The following ZNF385B variants were observed in gnomAD, a reference collection of about 807,000 sequenced individuals.
The protein encoded by ZNF385B is zinc finger protein 385B.
Under a neutral mutation model 39.2 loss-of-function variants are expected in ZNF385B, and 23 were observed. The observed-to-expected ratio is 0.59, with a 90% CI of 0.42 to 0.83. The LOEUF (loss-of-function observed/expected upper bound fraction) is 0.83, where lower values mean the gene tolerates loss of function less well. Among genes scored for constraint, ZNF385B ranks in the 40% least tolerant of loss-of-function variants. The probability of loss-of-function intolerance (pLI) is 0.00; values close to 1 mark genes in which losing one functional copy is unlikely to be tolerated. For synonymous variants in ZNF385B, 205 were observed against 222.6 expected, an observed-to-expected ratio of 0.92 and a Z score of 0.70; for missense variants, 552 against 598.9, an observed-to-expected ratio of 0.92 and a Z score of 0.82.
At position 179,727,293 on chromosome 2, in the gene ZNF385B, T is replaced by A. The variant is rs117607351; in HGVS notation, c.298+42210A>T. On this transcript the variant is annotated intron_variant, in intron 3 of 9. Coordinates refer to ENST00000410066, the MANE Select transcript of ZNF385B (RefSeq NM_152520.6). ...TTTTGGAAATCCATCAGTTTCAGCT[T>A]TCCAAAAATTAATCTCCAAACAATA... Among the ~76,000 whole-genome samples, 448 of 152,192 alleles carry A rather than the reference T, an allele frequency of 2.9e-3. 15 individuals are homozygous for A. The East Asian group carries it at 0.052, about 18-fold the overall frequency.
intron 3 of ZNF385B, among the ~76,000 whole-genome samples, chr2:179,691,856 A>G (rs1698381533): frequency 6.6e-6 from 1 of 152,094 alleles, no homozygotes; most frequent in South Asian, 2.1e-4. Flanking sequence ...TTTTTAAAAA[A>G]ATATTTTTAA....
At chr2:179,647,967 T>C (rs1050627258) in intron 3 of ZNF385B, among the ~76,000 whole-genome samples, 1 of 151,890 alleles carries the variant, frequency 6.6e-6, no homozygotes, top group African/African-American at 2.4e-5. Flanking sequence ...GGGGGACCCT[T>C]GGGGACTTAG....
At chr2:179,860,689 C>A in intron 1 of ZNF385B, 1 of 324,898 alleles carries the variant, frequency 3.1e-6, no homozygotes, top group South Asian at 2.3e-5. Context: ...ACCCATTTCC[C>A]GGTCATTGAG....
intron 3 of ZNF385B, among the ~76,000 whole-genome samples, chr2:179,584,862 A>G (rs938450898): frequency 6.6e-6 from 1 of 152,158 alleles, no homozygotes; most frequent in Non-Finnish European, 1.5e-5. Flanking sequence ...ACCCAGGGAG[A>G]GTGTAGTGTT....
intron 4 of ZNF385B, among the ~76,000 whole-genome samples, chr2:179,524,576 A>G (rs1232159863): frequency 7.1e-6 from 1 of 140,280 alleles, no homozygotes; most frequent in Non-Finnish European, 1.6e-5. Flanking sequence ...AAAAAAAAAA[A>G]AAAAAAAAAA....
chr2:179,535,233 A>G (rs1053325177), intron 4 of ZNF385B, among the ~76,000 whole-genome samples: 1 of 152,182 alleles, frequency 6.6e-6, no homozygotes, highest in Non-Finnish European at 1.5e-5. Context: ...AAGAAACTGT[A>G]TTCACAATAA....
At chr2:179,837,008 A>G (rs1435918363) in intron 1 of ZNF385B, among the ~76,000 whole-genome samples, 7 of 152,210 alleles carry the variant, frequency 4.6e-5, no homozygotes, top group Non-Finnish European at 8.8e-5. Flanking sequence ...CCAGCTCATT[A>G]AATCATACAT....
chr2:179,519,334 A>T (rs2058321109), intron 4 of ZNF385B, among the ~76,000 whole-genome samples: 1 of 152,220 alleles, frequency 6.6e-6, no homozygotes. Context: ...TAATTTGTTA[A>T]CTTTCATGTG....
chr2:179,608,349 T>C (rs1274017300), intron 3 of ZNF385B, among the ~76,000 whole-genome samples: 2 of 152,150 alleles, frequency 1.3e-5, no homozygotes, highest in East Asian at 3.8e-4. Flanking sequence ...CTTCAATCTG[T>C]AGAAAGCAGG....
intron 4 of ZNF385B, among the ~76,000 whole-genome samples, chr2:179,533,639 G>A (rs975528708): frequency 6.6e-6 from 1 of 152,094 alleles, no homozygotes; most frequent in African/African-American, 2.4e-5. Flanking sequence ...AGGGTAAAGG[G>A]AGATGTGTAA....
chr2:179,797,878 A>G (rs1333833655), intron 1 of ZNF385B, among the ~76,000 whole-genome samples: 2 of 152,170 alleles, frequency 1.3e-5, no homozygotes, highest in African/African-American at 4.8e-5. Flanking sequence ...TTATTGTGCG[A>G]TAGTAATACT....
chr2:179,551,325 G>A lies in ZNF385B; in HGVS notation c.299-6356C>T, dbSNP rs566858944. ...TCTTGAGACAGGAGTAATACAAGGT[G>A]GTCACAGGAGAATAGAAAATTCCAG... On this transcript the variant is annotated intron_variant, in intron 3 of 9. Transcript: ENST00000410066. Among the ~76,000 whole-genome samples, 3 of 152,138 alleles carry A rather than the reference G, an allele frequency of 2.0e-5. No homozygotes were observed. In the East Asian group the frequency reaches 5.8e-4, roughly 29 times the overall value.
At chr2:179,829,881 T>C (rs1324749562) in intron 1 of ZNF385B, among the ~76,000 whole-genome samples, 3 of 152,114 alleles carry the variant, frequency 2.0e-5, no homozygotes, top group Non-Finnish European at 4.4e-5. Context: ...TAGAAGAAAC[T>C]TAACTGAAAT....
chr2:179,445,145 G>A (rs538099800), intron 8 of ZNF385B, among the ~76,000 whole-genome samples, 168 bp from the exon 9 acceptor site: 2 of 152,266 alleles, frequency 1.3e-5, no homozygotes, highest in East Asian at 3.9e-4. Context: ...TCCCTCAATT[G>A]TAATGCCCCT....
At chr2:179,799,469 T>C (rs912035408) in intron 1 of ZNF385B, among the ~76,000 whole-genome samples, 8 of 152,096 alleles carry the variant, frequency 5.3e-5, no homozygotes, top group African/African-American at 1.4e-4. Flanking sequence ...GATTAAAATG[T>C]TGAAATATTG....
intron 1 of ZNF385B, 54 bp downstream of exon 1, chr2:179,861,047 G>A: frequency 6.1e-6 from 1 of 164,330 alleles, no homozygotes. Context: ...GGCCGGGCAA[G>A]CAGAGGGCGC....
At chr2:179,789,580 A>G (rs1705204863) in intron 1 of ZNF385B, among the ~76,000 whole-genome samples, 1 of 152,198 alleles carries the variant, frequency 6.6e-6, no homozygotes, top group African/African-American at 2.4e-5. Flanking sequence ...GTTCATATCA[A>G]CAAGCAAAAT....
At chr2:179,520,235 C>T (rs2058386125) in intron 4 of ZNF385B, among the ~76,000 whole-genome samples, 1 of 151,728 alleles carries the variant, frequency 6.6e-6, no homozygotes, top group African/African-American at 2.4e-5. Context: ...GTGATGGTTA[C>T]ACAAATCTAT....
chr2:179,476,451 GTATCC>G (rs1312864254), intron 6 of ZNF385B, among the ~76,000 whole-genome samples: 3 of 152,116 alleles, frequency 2.0e-5, no homozygotes, highest in Admixed American at 2.0e-4. Flanking sequence ...GGTTTTTAAT[GTATCC>G]TCAGTAAATC....
Sources: allele counts gnomAD v4.1 joint callset (sites outside exome capture counted in the v4.1 genomes callset), GRCh38; gene constraint gnomAD v4.1.1; transcripts MANE v1.5; gene names NCBI Gene and HGNC (gene_info 2026-07-23, HGNC 2026-07-21).